Variants in KDM4C observed in about 807,000 individuals in gnomAD.
KDM4C encodes the protein lysine demethylase 4C, also known as lysine-specific demethylase 4C.
KDM4C carries 81 observed loss-of-function variants against 129.3 expected under a neutral mutation model. The ratio of observed to expected loss-of-function variants is 0.63; its 90% confidence interval spans 0.52 to 0.75. The LOEUF is 0.75. Ranked by LOEUF, KDM4C falls within the 30% of genes least tolerant of loss-of-function variation. KDM4C has a pLI of 0.00. For synonymous variants in KDM4C, 573 were observed against 456.1 expected (o/e 1.26, Z -3.26); for missense variants, 1,457 against 1,304.0 (o/e 1.12, Z -1.81).
chr9:6,965,579 G>T (rs532259279), intron 8 of KDM4C, among the ~76,000 whole-genome samples: 4 of 152,298 alleles, frequency 2.6e-5, no homozygotes, highest in African/African-American at 9.6e-5. Flanking sequence ...TGAATACTCA[G>T]AACTGATGAT....
chr9:6,958,001 TA>T (rs1281947477), intron 8 of KDM4C, among the ~76,000 whole-genome samples: 5 of 152,102 alleles, frequency 3.3e-5, no homozygotes, highest in African/African-American at 1.2e-4. Flanking sequence ...GACCTCCAAG[TA>T]TATTGCTTCT....
chr9:6,742,680 A>AG (rs1163889718), intron 1 of KDM4C, among the ~76,000 whole-genome samples: 2 of 53,740 alleles, frequency 3.7e-5, no homozygotes, highest in Admixed American at 3.7e-4. Context: ...TGGGGTGGGG[A>AG]ATTTTTTTTT....
At chr9:6,777,072 T>A (rs1169697014) in intron 1 of KDM4C, among the ~76,000 whole-genome samples, 2 of 152,222 alleles carry the variant, frequency 1.3e-5, no homozygotes, top group African/African-American at 2.4e-5. Flanking sequence ...TTTCATCCCC[T>A]ACCCCCAAGT....
At chr9:7,095,644 T>A (rs1223461139) in intron 17 of KDM4C, among the ~76,000 whole-genome samples, 1 of 152,198 alleles carries the variant, frequency 6.6e-6, no homozygotes, top group East Asian at 1.9e-4. Flanking sequence ...TAAAATATTA[T>A]AGTTTCCAAC....
intron 12 of KDM4C, among the ~76,000 whole-genome samples, chr9:7,007,723 A>G (rs1279856130): frequency 2.0e-5 from 3 of 152,154 alleles, no homozygotes; most frequent in East Asian, 3.8e-4. Flanking sequence ...CTGAAAGAAG[A>G]TTCTTTTATT....
intron 1 of KDM4C, among the ~76,000 whole-genome samples, chr9:6,730,894 G>A (rs570202878): frequency 7.2e-5 from 11 of 152,182 alleles, no homozygotes; most frequent in African/African-American, 7.2e-5. Context: ...CCAAGACTCA[G>A]CTCTTGTTAC....
At chr9:6,785,976 G>A (rs983251382) in intron 1 of KDM4C, among the ~76,000 whole-genome samples, 1 of 152,194 alleles carries the variant, frequency 6.6e-6, no homozygotes, top group African/African-American at 2.4e-5. Flanking sequence ...CTAACTGTGA[G>A]TGCTTAGGTT....
At chr9:6,952,431 A>ATATATATATAT (rs71506090) in intron 8 of KDM4C, among the ~76,000 whole-genome samples, 77 of 138,370 alleles carry the variant, frequency 5.6e-4, no homozygotes, top group African/African-American at 2.1e-3. Context: ...ATATATATAT[A>ATATATATATAT]ATAATAATTA....
At chr9:6,978,481 G>A (rs1405757089) in intron 8 of KDM4C, 1 of 152,152 alleles carries the variant, frequency 6.6e-6, no homozygotes, top group African/African-American at 2.4e-5. Flanking sequence ...ACGACACATG[G>A]TGGCATGTTT....
chr9:6,986,503 T>C lies in KDM4C; in HGVS notation c.1514T>C (p.Leu505Pro). Residue 505 changes from leucine to proline, a missense_variant, in exon 11 of 22, where the codon CTT becomes CCT. By Grantham distance (98) the Leu-to-Pro change is moderately conservative (BLOSUM62 -3). Coordinates refer to ENST00000381309, the MANE Select transcript of KDM4C (RefSeq NM_015061.6). ...CCCGAGAAATCAGACCCATCCGAGCTTTCATGGCCAAAGTCACCTGAGTCA... is the reference window on the plus strand; with the variant it reads ...CCCGAGAAATCAGACCCATCCGAGCCTTCATGGCCAAAGTCACCTGAGTCA... ...EKPEKSDPSE[L>P]SWPKSPESCS... 1 of 1,614,144 alleles carries C rather than the reference T, an allele frequency of 6.2e-7. No homozygotes were observed. Among genetic ancestry groups the C allele is most frequent in the Non-Finnish European group, 8.5e-7 (1 of 1,180,032 alleles).
intron 17 of KDM4C, among the ~76,000 whole-genome samples, chr9:7,058,015 A>G (rs1831103495): frequency 6.6e-6 from 1 of 152,170 alleles, no homozygotes; most frequent in South Asian, 2.1e-4. Context: ...CTAGAGAATG[A>G]CTATGACCCA....
intron 5 of KDM4C, among the ~76,000 whole-genome samples, chr9:6,867,256 C>T (rs532279967): frequency 1.6e-3 from 247 of 152,108 alleles, no homozygotes; most frequent in Non-Finnish European, 6.3e-4. Flanking sequence ...CCTCGTGATC[C>T]GCCCACCTCG....
chr9:7,108,147 T>G (rs1837909005), intron 18 of KDM4C, among the ~76,000 whole-genome samples: 1 of 152,192 alleles, frequency 6.6e-6, no homozygotes, highest in African/African-American at 2.4e-5. Flanking sequence ...GATCTTGTTA[T>G]TCCACCATCT....
intron 18 of KDM4C, among the ~76,000 whole-genome samples, chr9:7,116,924 A>T (rs1838963209): frequency 3.3e-5 from 5 of 152,198 alleles, no homozygotes; most frequent in African/African-American, 1.2e-4. Flanking sequence ...GGGACAGTGT[A>T]TCAATGTAGA....
At position 6,888,000 on chromosome 9, in the gene KDM4C, T is replaced by A. The variant is rs1318879146; in HGVS notation, c.720T>A (p.Leu240=). 6.2e-7 allele frequency: 1 copy of A among 1,612,676 alleles called. No homozygotes were observed. The highest frequency in any genetic ancestry group is 1.7e-5 in the Admixed American group (1 of 59,924). Residue 240 remains leucine, a synonymous_variant, in exon 7 of 22, where the codon CTT becomes CTA. Transcript: ENST00000381309. ...GCTCCCAAGGGTGTGATGCATTTCT[T>A]CGCCACAAGATGACATTGATTTCTC... is the stretch of plus-strand genomic sequence containing the variant. The part of the protein sequence containing the change: ...PSSSQGCDAF[L]RHKMTLISPS...
chr9:7,112,191 C>A (rs531646875), intron 18 of KDM4C, among the ~76,000 whole-genome samples: 6 of 152,270 alleles, frequency 3.9e-5, no homozygotes, highest in African/African-American at 1.4e-4. Flanking sequence ...TTGCGACTTT[C>A]CTTCATCCAT....
At chr9:6,923,406 G>C (rs1821910317) in intron 8 of KDM4C, among the ~76,000 whole-genome samples, 1 of 151,628 alleles carries the variant, frequency 6.6e-6, no homozygotes, top group Admixed American at 6.6e-5. Flanking sequence ...CTTTTTTTCT[G>C]AGTGGCTATC....
chr9:6,775,735 T>C (rs1822892216), intron 1 of KDM4C, among the ~76,000 whole-genome samples: 1 of 152,064 alleles, frequency 6.6e-6, no homozygotes, highest in African/African-American at 2.4e-5. Context: ...TTGGTCAGGC[T>C]GGTCTCGAAC....
intron 8 of KDM4C, among the ~76,000 whole-genome samples, chr9:6,908,308 A>G (rs1294848091): frequency 6.6e-6 from 1 of 152,168 alleles, no homozygotes; most frequent in African/African-American, 2.4e-5. Flanking sequence ...TCTATTGCAA[A>G]CTGTTAATGT....
Sources: gnomAD v4.1 joint callset for allele counts (sites outside exome capture counted in the v4.1 genomes callset) on GRCh38, gnomAD v4.1.1 for gene constraint, MANE v1.5 for transcripts, NCBI Gene and HGNC (gene_info 2026-07-23, HGNC 2026-07-21) for gene names.